The following CYP4F22 variants were observed in gnomAD, a reference collection of about 807,000 sequenced individuals.
The protein encoded by CYP4F22 is ultra-long-chain fatty acid omega-hydroxylase.
CYP4F22 carries 37 observed loss-of-function variants against 60.4 expected under a neutral mutation model. That is an observed-to-expected ratio of 0.61 (90% CI 0.47 to 0.81). The LOEUF (loss-of-function observed/expected upper bound fraction) is 0.81. Among genes scored for constraint, CYP4F22 ranks in the 30% least tolerant of loss-of-function variants. CYP4F22 has a pLI of 0.00. For missense variants in CYP4F22, 655 were observed against 715.0 expected (o/e 0.92, Z 0.96); for synonymous variants, 258 against 280.5 (o/e 0.92, Z 0.80).
intron 1 of CYP4F22, among the ~76,000 whole-genome samples, chr19:15,520,841 C>T (rs1971216720): frequency 6.6e-6 from 1 of 151,672 alleles, no homozygotes; most frequent in Non-Finnish European, 1.5e-5. Context: ...GATCTCGGCT[C>T]ACTGCAACCT....
At chr19:15,519,272 T>TG (rs1009491449) in intron 1 of CYP4F22, among the ~76,000 whole-genome samples, 1 of 151,738 alleles carries the variant, frequency 6.6e-6, no homozygotes, top group Non-Finnish European at 1.5e-5. Flanking sequence ...GATTTTTTTT[T>TG]TTTTTTTTGA....
chr19:15,525,526 C>T lies in CYP4F22; in HGVS notation c.190C>T (p.Arg64Trp), dbSNP rs745666110. 66 of 1,611,322 alleles carry T rather than the reference C, an allele frequency of 4.1e-5. No homozygotes were observed. In the South Asian group the frequency reaches 4.6e-4, roughly 11 times the overall value. Residue 64 changes from arginine (R) to tryptophan (W), a missense_variant, in exon 3 of 14, where the codon CGG becomes TGG. This residue lies in a region of CYP4F22 where 430 missense variants were observed against 457.1 expected (regional missense o/e 0.94). Coordinates refer to ENST00000269703, the MANE Select transcript of CYP4F22 (RefSeq NM_173483.4). Reference sequence around the variant, plus strand: ...GCTGCGCTGCTTCCCCCAGCCTCCCCGGCGCAACTGGCTGCTGGGCCACCT... The same window carrying T: ...GCTGCGCTGCTTCCCCCAGCCTCCCTGGCGCAACTGGCTGCTGGGCCACCT... ...RRLRCFPQPP[R>W]RNWLLGHLGM... is the part of the protein sequence containing the mutation.
intron 4 of CYP4F22, among the ~76,000 whole-genome samples, chr19:15,533,156 T>G (rs1324089971): frequency 1.3e-5 from 2 of 152,202 alleles, no homozygotes; most frequent in Non-Finnish European, 2.9e-5. Context: ...TAGGAAATTT[T>G]AATGAGAGAA....
chr19:15,537,653 CATT>C lies in CYP4F22; in HGVS notation c.543_545del (p.Ile181del). On this transcript the variant is annotated inframe_deletion, in exon 6 of 14. Coordinates refer to ENST00000269703, the MANE Select transcript of CYP4F22 (RefSeq NM_173483.4). The stretch of plus-strand genomic sequence containing the variant: ...TGAAGATCTTCAACCAGAGCGCTGA[CATT>C]ATGCATGTGAGTCCTAAGGCTTTGA... The C allele has an allele frequency of 6.2e-7, 1 of 1,613,032 alleles. No individual in the cohort carries two copies. The highest frequency in any genetic ancestry group is 8.5e-7 in the Non-Finnish European group (1 of 1,180,038).
chr19:15,545,673 A>T (rs1288154171), intron 10 of CYP4F22, among the ~76,000 whole-genome samples: 4 of 37,872 alleles, frequency 1.1e-4, no homozygotes, highest in African/African-American at 2.8e-4. Flanking sequence ...AAAAAAAAAG[A>T]AAAGAAAAGA....
intron 3 of CYP4F22, 132 bp from the exon 4 acceptor site, chr19:15,529,577 G>T (rs530903531): frequency 7.9e-7 from 1 of 1,258,364 alleles, no homozygotes; most frequent in African/African-American, 1.5e-5. Context: ...CCAGGGAGGT[G>T]CAGCCAACTG....
chr19:15,520,068 G>A (rs974660354), intron 1 of CYP4F22, among the ~76,000 whole-genome samples: 3 of 152,232 alleles, frequency 2.0e-5, no homozygotes, highest in South Asian at 2.1e-4. Flanking sequence ...GTCTCAGCCC[G>A]GCGTGGTGGC....
intron 8 of CYP4F22, among the ~76,000 whole-genome samples, chr19:15,543,433 C>T (rs1971486161): frequency 6.6e-6 from 1 of 152,058 alleles, no homozygotes; most frequent in Admixed American, 6.6e-5. Flanking sequence ...CTCAAGTGAT[C>T]CTCCCACCTT....
chr19:15,549,943 G>A (rs991155527), intron 12 of CYP4F22, among the ~76,000 whole-genome samples: 7 of 152,092 alleles, frequency 4.6e-5, no homozygotes, highest in Admixed American at 3.9e-4. Flanking sequence ...TTATTTATTT[G>A]AGACTGGGTC....
chr19:15,540,976 G>A (rs1173228512), intron 8 of CYP4F22, among the ~76,000 whole-genome samples: 3 of 152,232 alleles, frequency 2.0e-5, no homozygotes, highest in Non-Finnish European at 4.4e-5. Flanking sequence ...AGCTACTTGG[G>A]AGGCTGAAGC....
intron 4 of CYP4F22, among the ~76,000 whole-genome samples, chr19:15,531,976 C>T (rs1244330362): frequency 2.0e-5 from 3 of 151,776 alleles, no homozygotes; most frequent in East Asian, 1.9e-4. Flanking sequence ...TGTGGTGGTG[C>T]GTGCCTATAG....
At position 15,540,532 on chromosome 19, in the gene CYP4F22, G is replaced by A. The variant is rs757078629; in HGVS notation, c.754G>A (p.Asp252Asn). 6 of 1,614,036 alleles carry A rather than the reference G, an allele frequency of 3.7e-6. No homozygotes were observed. The highest frequency in any genetic ancestry group is 4.2e-6 in the Non-Finnish European group (5 of 1,180,056). ...RRQYRLHHYL[D>N]FIYYRSADGR... The stretch of plus-strand genomic sequence containing the variant: ...CCAGTATCGCTTGCACCACTACCTC[G>A]ACTTCATTTACTACCGCTCGGCGGA... The change falls in exon 8 of 14, where the codon GAC becomes AAC. Residue 252 changes from aspartate (D) to asparagine (N), a missense_variant. Asp to Asn is a conservative substitution (Grantham distance 23). Coordinates refer to ENST00000269703, the MANE Select transcript of CYP4F22 (RefSeq NM_173483.4).
At chr19:15,516,647 C>T (rs1971158189) in intron 1 of CYP4F22, 4 of 384,952 alleles carry the variant, frequency 1.0e-5, no homozygotes, top group Admixed American at 8.9e-5. Context: ...AAACATTTTA[C>T]TTATAACACT....
intron 12 of CYP4F22, among the ~76,000 whole-genome samples, chr19:15,549,652 A>AC (rs928282468): frequency 5.9e-5 from 9 of 151,620 alleles, no homozygotes; most frequent in East Asian, 3.9e-4. Flanking sequence ...ACACAGCGAG[A>AC]CCCCCCATCT....
At chr19:15,534,657 C>T (rs992419652) in intron 4 of CYP4F22, among the ~76,000 whole-genome samples, 4 of 151,900 alleles carry the variant, frequency 2.6e-5, no homozygotes, top group Non-Finnish European at 4.4e-5. Flanking sequence ...TGGTGAGGAG[C>T]GTGGACACAG....
Position 15,551,325 on chromosome 19 carries a change from G to A in CYP4F22, c.1450G>A (p.Glu484Lys), listed in dbSNP as rs1200119109. The A allele has an allele frequency of 4.3e-6, 7 of 1,613,432 alleles. No homozygotes were observed. Among genetic ancestry groups the A allele is most frequent in the Non-Finnish European group, 8.5e-7 (1 of 1,179,700 alleles). Residue 484 changes from glutamate (E) to lysine (K), a missense_variant, in exon 14 of 14, where the codon GAG becomes AAG. Transcript: ENST00000269703. ...NCIGQSFAMA[E>K]LRVVVALTLL... is the part of the protein sequence containing the mutation. ...CATCGGACAGAGCTTCGCCATGGCC[G>A]AGTTGCGCGTGGTTGTGGCACTAAC...
chr19:15,520,345 C>CAAAAAA (rs1200559538), intron 1 of CYP4F22, among the ~76,000 whole-genome samples: 1 of 72,086 alleles, frequency 1.4e-5, no homozygotes, highest in Non-Finnish European at 2.6e-5. Context: ...GCCTCCATCT[C>CAAAAAA]AAAAAAAAAA....
chr19:15,513,513 C>G (rs1407200383), intron 1 of CYP4F22, among the ~76,000 whole-genome samples: 4 of 151,148 alleles, frequency 2.6e-5, no homozygotes, highest in Admixed American at 6.6e-5. Flanking sequence ...TACAGGCGCC[C>G]GCCACCTCGC....
chr19:15,526,986 C>G (rs1020669093), intron 3 of CYP4F22, among the ~76,000 whole-genome samples: 1 of 152,104 alleles, frequency 6.6e-6, no homozygotes, highest in Non-Finnish European at 1.5e-5. Context: ...CCCCTGACCT[C>G]AAGTGAACCA....
Sources: gnomAD v4.1 joint callset for allele counts (sites outside exome capture counted in the v4.1 genomes callset) on GRCh38, gnomAD v4.1.1 for gene constraint, gnomAD v4.1.1 regional missense constraint, MANE v1.5 for transcripts, NCBI Gene and HGNC (gene_info 2026-07-23, HGNC 2026-07-21) for gene names.